PIP5K1C: variants seen among roughly 807,000 people sequenced by gnomAD.
PIP5K1C encodes the protein phosphatidylinositol-4-phosphate 5-kinase type 1 gamma.
PIP5K1C carries 45 observed loss-of-function variants against 80.1 expected under a neutral mutation model. The observed-to-expected ratio is 0.56, with a 90% confidence interval of 0.44 to 0.72. PIP5K1C has a LOEUF of 0.72. Ranked by LOEUF, PIP5K1C falls within the 30% of genes least tolerant of loss-of-function variation. The pLI, the probability that PIP5K1C is intolerant of heterozygous loss-of-function variation, is 0.00. For missense variants in PIP5K1C, 753 were observed against 954.6 expected, an observed-to-expected ratio of 0.79 and a Z score of 2.78; for synonymous variants, 498 against 420.1, an observed-to-expected ratio of 1.19 and a Z score of -2.27.
intron 1 of PIP5K1C, among the ~76,000 whole-genome samples, chr19:3,693,330 C>T (rs1028387352): frequency 7.2e-5 from 11 of 152,190 alleles, no homozygotes; most frequent in African/African-American, 2.4e-4. Flanking sequence ...CGGGTCCCCT[C>T]GCACCCCCAT....
intron 5 of PIP5K1C, among the ~76,000 whole-genome samples, chr19:3,657,988 G>T (rs991172110): frequency 6.6e-6 from 1 of 152,134 alleles, no homozygotes; most frequent in Admixed American, 6.5e-5. Flanking sequence ...GGAAGAGCCA[G>T]GGGCTTGAGG....
At chr19:3,647,435 C>A in intron 9 of PIP5K1C, 49 bp from the exon 10 acceptor site, 1 of 1,504,770 alleles carries the variant, frequency 6.6e-7, no homozygotes, top group South Asian at 1.2e-5. Flanking sequence ...CAAGCCCATG[C>A]CAGGCCACCT....
chr19:3,665,884 C>A (rs967607273), intron 2 of PIP5K1C, among the ~76,000 whole-genome samples: 2 of 152,126 alleles, frequency 1.3e-5, no homozygotes, highest in East Asian at 3.9e-4. Context: ...TGCTAGGAGA[C>A]CCCATGGACC....
chr19:3,678,104 A>AG (rs2035442353), intron 1 of PIP5K1C, among the ~76,000 whole-genome samples: 1 of 73,772 alleles, frequency 1.4e-5, no homozygotes, highest in African/African-American at 5.4e-5. Flanking sequence ...AGGGAGGGAG[A>AG]ATGGAGGGAT....
chr19:3,673,465 G>A (rs184059089), intron 1 of PIP5K1C, among the ~76,000 whole-genome samples: 2 of 152,336 alleles, frequency 1.3e-5, no homozygotes, highest in Non-Finnish European at 2.9e-5. Flanking sequence ...AGGGCAGCAA[G>A]GGAAGGCCAG....
chr19:3,633,855 C>A (rs1036731815), intron 16 of PIP5K1C, among the ~76,000 whole-genome samples: 1 of 152,134 alleles, frequency 6.6e-6, no homozygotes, highest in African/African-American at 2.4e-5. Flanking sequence ...TCCTCCTCCT[C>A]CTCCTCCTCC....
chr19:3,675,745 T>A (rs2035337498), intron 1 of PIP5K1C, among the ~76,000 whole-genome samples: 1 of 152,048 alleles, frequency 6.6e-6, no homozygotes, highest in Non-Finnish European at 1.5e-5. Flanking sequence ...CCTCAGCACT[T>A]AGGGCTGGAT....
Position 3,637,957 on chromosome 19 carries a change from C to G in PIP5K1C, c.1920+927G>C, listed in dbSNP as rs572724254. 6.5e-7 allele frequency: 1 copy of G among 1,533,974 alleles called. No homozygotes were observed. The highest frequency in any genetic ancestry group is 8.7e-7 in the Non-Finnish European group (1 of 1,146,174). The stretch of plus-strand genomic sequence containing the variant: ...GTAGGGGCACAGGCACGCGGCCCGT[C>G]CCTCCCTTCTCCAGGGCCAGGTGGG... On this transcript the variant is annotated intron_variant, in intron 16 of 17. Transcript: ENST00000335312. The surrounding 1 kb of genome is among the most constrained non-coding windows in gnomAD (Gnocchi z 7.0).
intron 1 of PIP5K1C, among the ~76,000 whole-genome samples, chr19:3,675,193 G>A (rs529684476): frequency 3.7e-4 from 57 of 152,296 alleles, no homozygotes; most frequent in African/African-American, 1.2e-3. Flanking sequence ...TGAATACGCC[G>A]AGAAGAATTT....
At chr19:3,694,733 G>A (rs972136622) in intron 1 of PIP5K1C, among the ~76,000 whole-genome samples, 6 of 152,300 alleles carry the variant, frequency 3.9e-5, no homozygotes, top group South Asian at 4.1e-4. Flanking sequence ...CGACTATTCC[G>A]CTGCCTACAT....
chr19:3,682,738 C>T (rs776897476), intron 1 of PIP5K1C, among the ~76,000 whole-genome samples: 5 of 152,188 alleles, frequency 3.3e-5, no homozygotes, highest in South Asian at 2.1e-4. Flanking sequence ...CTCTTGGAAG[C>T]GGCTCCTCCA....
Position 3,700,440 on chromosome 19 carries a change from A to C in PIP5K1C, c.-50T>G, listed in dbSNP as rs2145643500. On this transcript the variant is annotated 5_prime_UTR_variant, in exon 1 of 18. Coordinates refer to ENST00000335312, the MANE Select transcript of PIP5K1C (RefSeq NM_012398.3). ...GCGCCCGAGGGGGACCCGAGCTGCGACCGCCGCCGCCGAACAACAAGCGCC... is the reference window on the plus strand; with the variant it reads ...GCGCCCGAGGGGGACCCGAGCTGCGCCCGCCGCCGCCGAACAACAAGCGCC... The C allele has an allele frequency of 1.0e-6, 1 of 974,584 alleles. No individual in the cohort carries two copies. The highest frequency in any genetic ancestry group is 1.2e-6 in the Non-Finnish European group (1 of 809,914). 60.4% of individuals were successfully genotyped at this position (974,584 alleles called of 1,614,324 possible).
intron 15 of PIP5K1C, among the ~76,000 whole-genome samples, chr19:3,639,665 C>A (rs2033881476): frequency 1.3e-5 from 2 of 151,710 alleles, no homozygotes; most frequent in African/African-American, 4.8e-5. Context: ...CTCATGGGGT[C>A]AAGCGATCCT....
At chr19:3,647,820 G>A (rs1324373143) in intron 9 of PIP5K1C, among the ~76,000 whole-genome samples, 2 of 152,220 alleles carry the variant, frequency 1.3e-5, no homozygotes, top group African/African-American at 4.8e-5. Flanking sequence ...GCTGGCGCGT[G>A]CCAGTAATCC....
chr19:3,637,313 C>A lies in PIP5K1C; in HGVS notation c.1920+1571G>T, dbSNP rs2145371945. 6.6e-7 allele frequency: 1 copy of A among 1,521,600 alleles called. No homozygotes were observed. The highest frequency in any genetic ancestry group is 8.8e-7 in the Non-Finnish European group (1 of 1,139,250). The allele number at this position is 1,521,600 out of a possible 1,614,324, so 94.3% of individuals were successfully genotyped here. Reference sequence around the variant, plus strand: ...GGTGATGGTGCTGCCCTATGGAGCGCCCGGTTCGACGTGGGACCGAATGAC... The same window carrying A: ...GGTGATGGTGCTGCCCTATGGAGCGACCGGTTCGACGTGGGACCGAATGAC... On this transcript the variant is annotated intron_variant, in intron 16 of 17. Coordinates refer to ENST00000335312, the MANE Select transcript of PIP5K1C (RefSeq NM_012398.3). The surrounding 1 kb of genome is among the most constrained non-coding windows in gnomAD (Gnocchi z 7.0).
chr19:3,634,620 G>A (rs2033598008), intron 16 of PIP5K1C, among the ~76,000 whole-genome samples: 1 of 152,184 alleles, frequency 6.6e-6, no homozygotes, highest in Non-Finnish European at 1.5e-5. Flanking sequence ...CTGCCCACCT[G>A]CTGCCCAGGC....
Position 3,643,159 on chromosome 19 carries a change from G to T in PIP5K1C, c.1649+84C>A, listed in dbSNP as rs566882145. ...CGATGCTCCACCCACATGCACAGCG[G>T]ATGCCCCGCCCACATGCAGTGAATG... On this transcript the variant is annotated intron_variant, in intron 13 of 17. Coordinates refer to ENST00000335312, the MANE Select transcript of PIP5K1C (RefSeq NM_012398.3). The T allele has an allele frequency of 3.8e-6, 6 of 1,593,446 alleles. No homozygotes were observed. In the African/African-American group the frequency reaches 4.0e-5, roughly 11 times the overall value.
chr19:3,672,997 G>A, intron 1 of PIP5K1C, among the ~76,000 whole-genome samples: 1 of 151,522 alleles, frequency 6.6e-6, no homozygotes, highest in Non-Finnish European at 1.5e-5. Flanking sequence ...CACGGCAGGG[G>A]AGGGATTCTG....
intron 1 of PIP5K1C, chr19:3,672,507 C>G (rs2035239879): frequency 6.6e-6 from 1 of 152,404 alleles, no homozygotes; most frequent in African/African-American, 2.4e-5. Context: ...CAACAGGCCT[C>G]CGCCAGAGCT....
Sources: gnomAD v4.1 joint callset for allele counts (sites outside exome capture counted in the v4.1 genomes callset) on GRCh38, gnomAD v4.1.1 for gene constraint, Gnocchi (gnomAD v3.1) non-coding constraint, MANE v1.5 for transcripts, NCBI Gene and HGNC (gene_info 2026-07-23, HGNC 2026-07-21) for gene names.